Variants in DGKB observed in about 807,000 individuals in gnomAD.
The protein encoded by DGKB is diacylglycerol kinase beta, also known as 90 kDa diacylglycerol kinase.
In DGKB, 67 loss-of-function variants were observed where a neutral mutation model predicts 114.3. The ratio of observed to expected loss-of-function variants is 0.59; its 90% CI spans 0.48 to 0.72. DGKB has a LOEUF of 0.72. DGKB is among the 30% of genes least tolerant of loss of function. The pLI, the probability that DGKB is intolerant of heterozygous loss-of-function variation, is 0.00. For missense variants in DGKB, 907 were observed against 975.2 expected, an observed-to-expected ratio of 0.93 and a Z score of 0.93; for synonymous variants, 398 against 323.1, an observed-to-expected ratio of 1.23 and a Z score of -2.49.
Position 14,225,412 on chromosome 7 carries a change from G to T in DGKB, c.2123-47261C>A, listed in dbSNP as rs146295078. ...TAAGGAACATTTCCAGAGATTTGTTGCCCCTAAGACCATAAGACCATGTAG... is the reference window on the plus strand; with the variant it reads ...TAAGGAACATTTCCAGAGATTTGTTTCCCCTAAGACCATAAGACCATGTAG... On this transcript the variant is annotated intron_variant, in intron 23 of 25. Coordinates refer to ENST00000402815, the MANE Select transcript of DGKB (RefSeq NM_001350709.2). Among the ~76,000 whole-genome samples, 55 of 152,092 alleles carry T rather than the reference G, an allele frequency of 3.6e-4. No homozygotes were observed. In the East Asian group the frequency reaches 7.6e-3, roughly 21 times the overall value.
chr7:14,238,142 C>A (rs1793082604), intron 23 of DGKB, among the ~76,000 whole-genome samples: 1 of 151,984 alleles, frequency 6.6e-6, no homozygotes, highest in Admixed American at 6.6e-5. Context: ...TATGGTTTGG[C>A]TCTGTGTCCC....
At chr7:14,616,219 C>A (rs1024128196) in intron 15 of DGKB, among the ~76,000 whole-genome samples, 3 of 147,180 alleles carry the variant, frequency 2.0e-5, no homozygotes, top group Non-Finnish European at 4.5e-5. Flanking sequence ...ATATAATATA[C>A]ATATATACAT....
intron 21 of DGKB, among the ~76,000 whole-genome samples, chr7:14,390,378 C>T (rs1487736024): frequency 1.3e-5 from 2 of 152,112 alleles, no homozygotes; most frequent in Admixed American, 1.3e-4. Flanking sequence ...CTTGGCAATG[C>T]AGTTTTTGAG....
At chr7:14,655,410 A>C (rs1055446416) in intron 13 of DGKB, among the ~76,000 whole-genome samples, 1 of 151,948 alleles carries the variant, frequency 6.6e-6, no homozygotes, top group African/African-American at 2.4e-5. Flanking sequence ...GGATGCAGAG[A>C]AAAGGGAATT....
rs1781724933 is a variant in DGKB, at chr7:14,148,495, G to A, written c.*636C>T. On this transcript the variant is annotated 3_prime_UTR_variant, in exon 26 of 26. Transcript: ENST00000402815. ...TTTCTGGAATTAAAAAGAAAACTAAGCAAAATAAAAACCGCGTTCTATTTT... is the reference window on the plus strand; with the variant it reads ...TTTCTGGAATTAAAAAGAAAACTAAACAAAATAAAAACCGCGTTCTATTTT... The A allele has an allele frequency of 2.0e-5, 3 of 152,530 alleles. No individual in the cohort carries two copies. The Admixed American group carries it at 2.0e-4, about 10-fold the overall frequency. 9.4% of individuals were successfully genotyped at this position (152,530 alleles called of 1,614,324 possible).
Position 14,319,871 on chromosome 7 carries a change from A to G in DGKB, c.2122+18644T>C, listed in dbSNP as rs543132753. Among the ~76,000 whole-genome samples the G allele has an allele frequency of 1.2e-4, 18 of 152,310 alleles. No homozygotes were observed. The East Asian group carries it at 2.3e-3, about 20-fold the overall frequency. On this transcript the variant is annotated intron_variant, in intron 23 of 25. Transcript: ENST00000402815. ...ATGTTGGTACCTTGTCCCCATTCCTATAAGTTCATCCACAAGCATCTTCTT... is the reference window on the plus strand; with the variant it reads ...ATGTTGGTACCTTGTCCCCATTCCTGTAAGTTCATCCACAAGCATCTTCTT...
chr7:14,834,082 A>C (rs1846808780), intron 2 of DGKB, among the ~76,000 whole-genome samples: 1 of 152,160 alleles, frequency 6.6e-6, no homozygotes, highest in African/African-American at 2.4e-5. Context: ...GGAAAGTGGT[A>C]ACTAAGGAAA....
In DGKB at chr7:14,344,433, C is replaced by T. The variant is rs377378764; in HGVS notation, c.1926+868G>A. ...GTGGTCCATAACTACTTCTGTTTAC[C>T]AAACTTATTACCTGAATATAAGGAA... is the stretch of plus-strand genomic sequence containing the variant. On this transcript the variant is annotated intron_variant, in intron 22 of 25. Transcript: ENST00000402815. Among the ~76,000 whole-genome samples the T allele has an allele frequency of 1.4e-3, 211 of 151,654 alleles. 7 individuals carry two copies. The South Asian group carries it at 0.039, about 28-fold the overall frequency.
chr7:14,430,315 T>A (rs1391076973), intron 21 of DGKB, among the ~76,000 whole-genome samples: 1 of 152,200 alleles, frequency 6.6e-6, no homozygotes, highest in East Asian at 1.9e-4. Flanking sequence ...GTTAGATTGT[T>A]AATTTTTGAG....
At chr7:14,385,257 G>A (rs1486654469) in intron 21 of DGKB, among the ~76,000 whole-genome samples, 1 of 152,068 alleles carries the variant, frequency 6.6e-6, no homozygotes, top group Non-Finnish European at 1.5e-5. Flanking sequence ...AAAAGTACTA[G>A]AGGAAGAACA....
At chr7:14,294,308 A>C (rs1425217340) in intron 23 of DGKB, among the ~76,000 whole-genome samples, 1 of 152,100 alleles carries the variant, frequency 6.6e-6, no homozygotes, top group Non-Finnish European at 1.5e-5. Flanking sequence ...ATGTAACATA[A>C]TGTATTCATA....
chr7:14,859,837 C>A (rs905441898), intron 1 of DGKB, among the ~76,000 whole-genome samples: 1 of 152,012 alleles, frequency 6.6e-6, no homozygotes, highest in Non-Finnish European at 1.5e-5. Flanking sequence ...TGTGTTAAAG[C>A]CAATGATCCC....
chr7:14,452,187 G>A (rs963787518), intron 21 of DGKB, among the ~76,000 whole-genome samples: 1 of 151,886 alleles, frequency 6.6e-6, no homozygotes, highest in Non-Finnish European at 1.5e-5. Context: ...AATATCTCAA[G>A]AGCAAATAAA....
At chr7:14,822,788 A>G (rs1022946808) in intron 2 of DGKB, among the ~76,000 whole-genome samples, 4 of 152,176 alleles carry the variant, frequency 2.6e-5, no homozygotes, top group African/African-American at 9.6e-5. Context: ...GAAATAACAG[A>G]TCAAAGTGTT....
At chr7:14,376,226 C>T (rs1240248599) in intron 21 of DGKB, among the ~76,000 whole-genome samples, 1 of 152,180 alleles carries the variant, frequency 6.6e-6, no homozygotes, top group African/African-American at 2.4e-5. Flanking sequence ...CCCACAGCAG[C>T]TGTGGCCAAA....
intron 21 of DGKB, among the ~76,000 whole-genome samples, chr7:14,463,324 G>A (rs903024612): frequency 4.6e-5 from 7 of 152,022 alleles, no homozygotes; most frequent in Admixed American, 6.6e-5. Flanking sequence ...GCAAACTACC[G>A]TGGCACATGT....
intron 23 of DGKB, among the ~76,000 whole-genome samples, chr7:14,242,159 T>C (rs1414611832): frequency 1.3e-5 from 2 of 152,204 alleles, no homozygotes; most frequent in East Asian, 3.9e-4. Context: ...CTGACCTGCC[T>C]ACAGGCTGAC....
At chr7:14,229,763 A>T (rs1232493856) in intron 23 of DGKB, among the ~76,000 whole-genome samples, 1 of 151,942 alleles carries the variant, frequency 6.6e-6, no homozygotes, top group East Asian at 1.9e-4. Flanking sequence ...CTCTAAGCAT[A>T]AAGTTGTTAA....
At chr7:14,645,002 G>C (rs758582632) in intron 13 of DGKB, among the ~76,000 whole-genome samples, 184 of 152,242 alleles carry the variant, frequency 1.2e-3, no homozygotes, top group Non-Finnish European at 2.2e-3. Context: ...GCCAGTTCCA[G>C]ATAGACTCCA....
Sources: allele counts gnomAD v4.1 joint callset (sites outside exome capture counted in the v4.1 genomes callset), GRCh38; gene constraint gnomAD v4.1.1; transcripts MANE v1.5; gene names NCBI Gene and HGNC (gene_info 2026-07-23, HGNC 2026-07-21).